The following LRP1B variants were observed in gnomAD, a reference collection of about 807,000 sequenced individuals.
LRP1B encodes the protein low-density lipoprotein receptor-related protein 1B.
A neutral mutation model predicts 556.6 loss-of-function variants in LRP1B; 217 were observed. That is an observed-to-expected ratio of 0.39 (90% CI 0.35 to 0.44). LRP1B has a LOEUF of 0.44. LRP1B is among the 20% of genes least tolerant of loss of function. LRP1B has a pLI of 1.00. For missense variants in LRP1B, 5,053 were observed against 5,620.8 expected (o/e 0.90, Z 3.23); for synonymous variants, 2,047 against 1,865.8 (o/e 1.10, Z -2.50).
In LRP1B at chr2:141,802,126, A is replaced by G. The variant is rs141257326; in HGVS notation, c.205+8153T>C. On this transcript the variant is annotated intron_variant, in intron 2 of 90. Transcript: ENST00000389484. ...CTAAGATGAGTATTTTGTGTTAACA[A>G]TTACTTTTCTGTTGGCAACTCAGTC... Among the ~76,000 whole-genome samples the G allele has an allele frequency of 4.2e-3, 639 of 152,184 alleles. 2 individuals carry two copies. Among genetic ancestry groups the G allele is most frequent in the African/African-American group, 0.014 (585 of 41,522 alleles).
chr2:141,466,180 C>T (rs58627041), intron 3 of LRP1B, among the ~76,000 whole-genome samples: 58,414 of 152,044 alleles, frequency 0.38, 11,441 homozygotes, highest in Non-Finnish European at 0.42. Context: ...AGCCACTGCG[C>T]CCGGCCTAAA....
At chr2:141,753,455 G>A (rs940201267) in intron 2 of LRP1B, among the ~76,000 whole-genome samples, 2 of 151,042 alleles carry the variant, frequency 1.3e-5, no homozygotes, top group Non-Finnish European at 2.9e-5. Context: ...AAATGCTCAC[G>A]CTGTCCACTC....
rs917122041 is a variant in LRP1B, at chr2:140,635,429, TA to T, written c.6800-33791del. ...GTTTCTCAGTACTAGGGCTGTAAGTTAAAAAAAAAATTCCTTATTTTTTTGT... is the reference window on the plus strand; with the variant it reads ...GTTTCTCAGTACTAGGGCTGTAAGTTAAAAAAAAATTCCTTATTTTTTTGT... On this transcript the variant is annotated intron_variant, in intron 41 of 90. Coordinates refer to ENST00000389484, the MANE Select transcript of LRP1B (RefSeq NM_018557.3). 9.3e-4 allele frequency among the ~76,000 whole-genome samples: 140 copies of T among 150,508 alleles called. 1 individual carries two copies. The highest frequency in any genetic ancestry group is 1.8e-3 in the African/African-American group (74 of 41,172).
intron 35 of LRP1B, among the ~76,000 whole-genome samples, chr2:140,766,025 A>T (rs1435178342): frequency 3.3e-5 from 5 of 151,002 alleles, no homozygotes; most frequent in South Asian, 4.2e-4. Flanking sequence ...ACAATAAAAT[A>T]AAAAAAAAGA....
At chr2:140,648,770 A>C (rs1684573542) in intron 41 of LRP1B, among the ~76,000 whole-genome samples, 1 of 152,210 alleles carries the variant, frequency 6.6e-6, no homozygotes, top group Non-Finnish European at 1.5e-5. Flanking sequence ...CCCAGGAGCC[A>C]GATGATGCAA....
intron 2 of LRP1B, among the ~76,000 whole-genome samples, chr2:141,695,970 C>A (rs1691721650): frequency 6.6e-6 from 1 of 151,928 alleles, no homozygotes; most frequent in African/African-American, 2.4e-5. Flanking sequence ...TCTCCTTGAA[C>A]TACCTGTATT....
intron 47 of LRP1B, among the ~76,000 whole-genome samples, chr2:140,531,332 T>C (rs564093731): frequency 3.3e-5 from 5 of 152,274 alleles, no homozygotes; most frequent in Admixed American, 6.5e-5. Flanking sequence ...TCTCATTTCT[T>C]TTCCTCCTTT....
At chr2:140,910,078 A>G (rs1000066101) in intron 21 of LRP1B, among the ~76,000 whole-genome samples, 2 of 131,430 alleles carry the variant, frequency 1.5e-5, no homozygotes, top group African/African-American at 5.6e-5. Flanking sequence ...AAACCAGAAA[A>G]ATCATTCAGA....
chr2:141,822,130 C>CACACAGAGAGAGAGAGAGAG (rs374369026), intron 1 of LRP1B, among the ~76,000 whole-genome samples: 3 of 95,864 alleles, frequency 3.1e-5, no homozygotes, highest in African/African-American at 1.3e-4. Context: ...CACACACACA[C>CACACAGAGAGAGAGAGAGAG]AGAGAGAGAG....
chr2:140,943,885 C>T (rs1476985131), intron 20 of LRP1B, among the ~76,000 whole-genome samples: 15 of 151,816 alleles, frequency 9.9e-5, no homozygotes, highest in Non-Finnish European at 1.5e-5. Flanking sequence ...ACAAATCAAT[C>T]CAAAGGCTAG....
chr2:141,845,110 A>T (rs937680919), intron 1 of LRP1B, among the ~76,000 whole-genome samples: 4 of 145,922 alleles, frequency 2.7e-5, no homozygotes, highest in African/African-American at 1.0e-4. Context: ...CAGTACTGTT[A>T]TGGTCTTCAT....
chr2:140,414,577 G>A (rs921484474), intron 66 of LRP1B, among the ~76,000 whole-genome samples: 7 of 152,086 alleles, frequency 4.6e-5, no homozygotes, highest in East Asian at 1.9e-4. Flanking sequence ...AGCTGGAGCC[G>A]CGGCAGAGGA....
intron 36 of LRP1B, 40 bp downstream of exon 36, chr2:140,716,642 A>G (rs760553551): frequency 6.4e-7 from 1 of 1,555,720 alleles, no homozygotes; most frequent in African/African-American, 1.4e-5. Flanking sequence ...CCCTAACAAA[A>G]TAGGTGTGAA....
chr2:141,105,947 G>A (rs886473926), intron 7 of LRP1B, among the ~76,000 whole-genome samples: 27 of 152,090 alleles, frequency 1.8e-4, no homozygotes, highest in Admixed American at 5.9e-4. Context: ...CTTGAGAGCA[G>A]TGAAAGTTAA....
intron 18 of LRP1B, among the ~76,000 whole-genome samples, chr2:140,977,115 G>A (rs1349946381): frequency 6.6e-6 from 1 of 152,070 alleles, no homozygotes; most frequent in Non-Finnish European, 1.5e-5. Flanking sequence ...GGCTTGGCTC[G>A]TCCCCACCCA....
At chr2:142,064,950 C>A (rs531069129) in intron 1 of LRP1B, among the ~76,000 whole-genome samples, 2 of 150,588 alleles carry the variant, frequency 1.3e-5, no homozygotes, top group East Asian at 4.0e-4. Flanking sequence ...GAAGCAATAG[C>A]AGAGTTTTGG....
chr2:140,956,339 A>G (rs1695872297), intron 18 of LRP1B, among the ~76,000 whole-genome samples: 1 of 151,760 alleles, frequency 6.6e-6, no homozygotes, highest in Admixed American at 6.6e-5. Context: ...TCACTATACC[A>G]TGCTGATTAT....
intron 77 of LRP1B, among the ~76,000 whole-genome samples, chr2:140,346,136 T>A (rs1322312206): frequency 2.0e-5 from 3 of 151,554 alleles, no homozygotes; most frequent in Non-Finnish European, 3.0e-5. Flanking sequence ...ATTATTCTAT[T>A]CTAAAAACTC....
At chr2:140,250,129 G>C (rs1231272634) in intron 86 of LRP1B, among the ~76,000 whole-genome samples, 1 of 151,752 alleles carries the variant, frequency 6.6e-6, no homozygotes, top group Non-Finnish European at 1.5e-5. Context: ...GCACAACCCT[G>C]CTAGGCAATC....
Sources: allele counts gnomAD v4.1 joint callset (sites outside exome capture counted in the v4.1 genomes callset), GRCh38; gene constraint gnomAD v4.1.1; transcripts MANE v1.5; gene names NCBI Gene and HGNC (gene_info 2026-07-23, HGNC 2026-07-21).